Variants in ALG13 observed in about 807,000 individuals in gnomAD.
ALG13 encodes ALG13 UDP-N-acetylglucosaminyltransferase subunit, also known as UDP-N-acetylglucosamine transferase subunit ALG13.
ALG13 carries 11 observed loss-of-function variants against 87.8 expected under a neutral mutation model. The observed-to-expected ratio is 0.13, with a 90% CI of 0.08 to 0.21. The LOEUF (loss-of-function observed/expected upper bound fraction) is 0.21. Ranked by LOEUF, ALG13 falls within the 10% of genes least tolerant of loss-of-function variation. ALG13 has a pLI of 1.00. For synonymous variants in ALG13, 320 were observed against 306.3 expected (o/e 1.04, Z -0.47); for missense variants, 756 against 866.1 (o/e 0.87, Z 1.60).
At chrX:111,685,165 T>C (rs898058906) in intron 3 of ALG13, 62 bp downstream of exon 3, 1 of 1,108,016 alleles carries the variant, frequency 9.0e-7, no homozygotes, top group Non-Finnish European at 1.2e-6. Context: ...CTTCCTCTTA[T>C]CCACCTACCT....
intron 24 of ALG13, among the ~76,000 whole-genome samples, chrX:111,750,732 A>G (rs972023287): frequency 3.6e-5 from 4 of 110,026 alleles, no homozygotes; most frequent in Non-Finnish European, 5.7e-5. Flanking sequence ...CAGTGGTGCA[A>G]TCTTGGCTCA....
At chrX:111,756,260 G>A (rs755022416) in intron 25 of ALG13, among the ~76,000 whole-genome samples, 1 of 110,949 alleles carries the variant, frequency 9.0e-6, no homozygotes, top group Non-Finnish European at 1.9e-5. Context: ...GGGGCCTGTC[G>A]CGGGGTTGGG....
chrX:111,749,584 A>G (rs1602927243), intron 24 of ALG13, among the ~76,000 whole-genome samples: 1 of 109,253 alleles, frequency 9.2e-6, no homozygotes, highest in Admixed American at 9.8e-5. Context: ...TCTTAACAGT[A>G]TGGTCTCTTT....
intron 12 of ALG13, 63 bp downstream of exon 12, chrX:111,721,774 T>G: frequency 1.5e-6 from 1 of 672,247 alleles, no homozygotes; most frequent in Non-Finnish European, 2.3e-6. Flanking sequence ...ATTTTGCAAA[T>G]TATGGTGAAC....
intron 21 of ALG13, 36 bp downstream of exon 21, chrX:111,730,616 T>C: frequency 9.6e-7 from 1 of 1,042,664 alleles, no homozygotes. Context: ...TTATAGCTCC[T>C]ACTATGTACT....
chrX:111,718,975 TTTGTC>T (rs1303449024), intron 10 of ALG13, among the ~76,000 whole-genome samples: 1 of 111,869 alleles, frequency 8.9e-6, no homozygotes, highest in East Asian at 2.8e-4. Context: ...CCTTGTGTTT[TTTGTC>T]TTGCAGTTCT....
intron 10 of ALG13, among the ~76,000 whole-genome samples, chrX:111,719,041 T>G (rs1297498235): frequency 9.6e-6 from 1 of 103,858 alleles, no homozygotes; most frequent in East Asian, 3.0e-4. Flanking sequence ...TTTTTTTTTT[T>G]TTTGAGACGG....
rs200714239 is a variant in ALG13, at chrX:111,688,566, CT to C, written c.383+3472del. 2,860 of 725,226 alleles carry C rather than the reference CT, an allele frequency of 3.9e-3. 60 individuals are homozygous for C. In the African/African-American group the frequency reaches 0.1, roughly 26 times the overall value. The allele number at this position is 725,226 out of a possible 1,213,427, so 59.8% of individuals were successfully genotyped here. A position where few individuals can be genotyped will look rare whatever the true frequency, so the allele number is the denominator to read the frequency against. The stretch of plus-strand genomic sequence containing the variant: ...GAACAGAGTGGAGTGGATATATTCA[CT>C]TTTTTTTTCTAAAACATACAAAGTG... On this transcript the variant is annotated intron_variant, in intron 3 of 26. Transcript: ENST00000394780.
rs1394316064 is a variant in ALG13, at chrX:111,681,676, CT to C, written c.81+378del. The C allele has an allele frequency of 4.6e-6, 4 of 864,442 alleles. No homozygotes were observed. In the Admixed American group the frequency reaches 2.7e-4, roughly 57 times the overall value. 71.2% of individuals were successfully genotyped at this position (864,442 alleles called of 1,213,427 possible). ...CTCGGCAGTTTTTCCTCAGGCCCCC[CT>C]GTGGACCGCACGTCGGCGCCGGCGT... is the stretch of plus-strand genomic sequence containing the variant. On this transcript the variant is annotated intron_variant, in intron 1 of 26. Coordinates refer to ENST00000394780, the MANE Select transcript of ALG13 (RefSeq NM_001099922.3).
chrX:111,726,110 A>AT (rs1425896497), intron 15 of ALG13, among the ~76,000 whole-genome samples: 2 of 105,614 alleles, frequency 1.9e-5, no homozygotes, highest in Non-Finnish European at 3.9e-5. Flanking sequence ...TGCCTGGCTA[A>AT]TTTTTTTTGT....
At chrX:111,752,292 G>A (rs188860715) in intron 24 of ALG13, among the ~76,000 whole-genome samples, 18 of 111,941 alleles carry the variant, frequency 1.6e-4, no homozygotes, top group African/African-American at 4.5e-4. Flanking sequence ...TAACTAAACC[G>A]TAGATGAGAA....
chrX:111,750,761 G>A lies in ALG13; in HGVS notation c.2933-2029G>A, dbSNP rs1218771110. 2.7e-5 allele frequency among the ~76,000 whole-genome samples: 3 copies of A among 109,761 alleles called. No homozygotes were observed. The Admixed American group carries it at 3.0e-4, about 11-fold the overall frequency. ...TGGCTCACTACAACCTCTGCCTCCC[G>A]AGCTCAAGCAATTCTCCTGCCTCAG... On this transcript the variant is annotated intron_variant, in intron 24 of 26. Coordinates refer to ENST00000394780, the MANE Select transcript of ALG13 (RefSeq NM_001099922.3).
intron 3 of ALG13, among the ~76,000 whole-genome samples, chrX:111,702,109 G>C (rs1937987698): frequency 8.9e-6 from 1 of 111,753 alleles, no homozygotes; most frequent in Admixed American, 9.5e-5. Flanking sequence ...CCTGGAGAAT[G>C]GTCCATGTGT....
intron 23 of ALG13, 57 bp downstream of exon 23, chrX:111,736,936 A>G: frequency 1.0e-6 from 1 of 989,112 alleles, no homozygotes; most frequent in Non-Finnish European, 1.4e-6. Context: ...ATGAACATGC[A>G]CATCCAGCTG....
chrX:111,697,743 A>C (rs1197766822), intron 3 of ALG13, among the ~76,000 whole-genome samples: 1 of 112,044 alleles, frequency 8.9e-6, no homozygotes, highest in Non-Finnish European at 1.9e-5. Context: ...GCTTTTGTTC[A>C]TGTTTTTTCT....
intron 3 of ALG13, chrX:111,689,342 AATTGTG>A: frequency 1.3e-6 from 1 of 754,186 alleles, no homozygotes; most frequent in Non-Finnish European, 1.6e-6. Context: ...CATTTGAGAA[AATTGTG>A]ACTTTATGTT....
At chrX:111,707,957 C>G (rs1481664086) in intron 3 of ALG13, 70 bp from the exon 4 acceptor site, 5 of 1,073,089 alleles carry the variant, frequency 4.7e-6, no homozygotes, top group Non-Finnish European at 6.2e-6. Context: ...TTCTCCCTCC[C>G]TCCCATGTCT....
At chrX:111,688,507 C>T in intron 3 of ALG13, 2 of 750,096 alleles carry the variant, frequency 2.7e-6, no homozygotes, top group East Asian at 1.5e-4. Context: ...GTTAGTTGAT[C>T]TCTTGTACTT....
chrX:111,715,586 C>T (rs868290146), intron 8 of ALG13, among the ~76,000 whole-genome samples: 5 of 111,648 alleles, frequency 4.5e-5, no homozygotes, highest in Non-Finnish European at 3.8e-5. Context: ...GGTGTGGTGG[C>T]GCATGCCTGT....
Sources: gnomAD v4.1 joint callset for allele counts (sites outside exome capture counted in the v4.1 genomes callset) on GRCh38, gnomAD v4.1.1 for gene constraint, MANE v1.5 for transcripts, NCBI Gene and HGNC (gene_info 2026-07-23, HGNC 2026-07-21) for gene names.